CTNNA2: variants seen among roughly 807,000 people sequenced by gnomAD.
CTNNA2 encodes catenin alpha 2.
In CTNNA2, 42 loss-of-function variants were observed where a neutral mutation model predicts 101.0. The observed-to-expected ratio is 0.42, with a 90% CI of 0.32 to 0.54. CTNNA2 has a LOEUF of 0.54. CTNNA2 is among the 20% of genes least tolerant of loss of function. The probability of loss-of-function intolerance (pLI) is 0.14; values close to 1 mark genes in which losing one functional copy is unlikely to be tolerated. For missense variants in CTNNA2, 871 were observed against 1,223.1 expected (o/e 0.71, Z 4.29); for synonymous variants, 450 against 456.4 (o/e 0.99, Z 0.18).
chr2:79,548,814 C>T (rs936778979), intron 1 of CTNNA2, among the ~76,000 whole-genome samples: 2 of 152,142 alleles, frequency 1.3e-5, no homozygotes, highest in East Asian at 3.9e-4. Flanking sequence ...GCCTGGCCTG[C>T]CCCACAGTGC....
At chr2:79,892,504 C>T (rs545480542) in intron 6 of CTNNA2, among the ~76,000 whole-genome samples, 8 of 151,930 alleles carry the variant, frequency 5.3e-5, no homozygotes, top group African/African-American at 1.9e-4. Flanking sequence ...ATTTTATGAA[C>T]CTTTACTTAA....
chr2:79,733,265 T>C (rs373454065), intron 2 of CTNNA2, among the ~76,000 whole-genome samples: 2 of 152,244 alleles, frequency 1.3e-5, no homozygotes, highest in South Asian at 4.1e-4. Flanking sequence ...TGGGATGAGA[T>C]TCACTGTCAG....
intron 3 of CTNNA2, among the ~76,000 whole-genome samples, chr2:79,786,616 A>G (rs191355934): frequency 3.9e-5 from 6 of 152,236 alleles, no homozygotes; most frequent in Middle Eastern, 3.4e-3. Flanking sequence ...GTTAGAATAC[A>G]CTAAGAAATT....
intron 3 of CTNNA2, among the ~76,000 whole-genome samples, chr2:79,319,374 G>A (rs1427905571): frequency 1.3e-5 from 2 of 152,108 alleles, no homozygotes; most frequent in Non-Finnish European, 2.9e-5. Context: ...CTGATTGCAA[G>A]GGAGCTAGAA....
chr2:80,243,590 C>T (rs919187839), intron 7 of CTNNA2, among the ~76,000 whole-genome samples: 14 of 152,092 alleles, frequency 9.2e-5, no homozygotes, highest in African/African-American at 3.4e-4. Flanking sequence ...TACATTGCAT[C>T]GTGTATCGAT....
At chr2:80,095,969 G>T (rs1700118959) in intron 7 of CTNNA2, among the ~76,000 whole-genome samples, 1 of 151,878 alleles carries the variant, frequency 6.6e-6, no homozygotes, top group Admixed American at 6.6e-5. Flanking sequence ...TGGATACATT[G>T]ATTTTTTGAA....
intron 7 of CTNNA2, among the ~76,000 whole-genome samples, chr2:80,017,777 C>T (rs910252769): frequency 3.9e-5 from 6 of 152,058 alleles, no homozygotes; most frequent in African/African-American, 7.2e-5. Context: ...TAAGAAATAG[C>T]GCTTCTGGTT....
At chr2:79,217,887 T>C (rs1674287069) in intron 2 of CTNNA2, among the ~76,000 whole-genome samples, 1 of 152,232 alleles carries the variant, frequency 6.6e-6, no homozygotes, top group South Asian at 2.1e-4. Context: ...CAAACATTGT[T>C]GTTTACTTCT....
chr2:80,439,739 G>A (rs1682387565), intron 9 of CTNNA2, among the ~76,000 whole-genome samples: 1 of 152,086 alleles, frequency 6.6e-6, no homozygotes, highest in Admixed American at 6.6e-5. Context: ...GTATTGTATG[G>A]TTTTATATTA....
intron 3 of CTNNA2, among the ~76,000 whole-genome samples, chr2:79,841,142 G>A (rs1432630410): frequency 6.6e-6 from 1 of 152,136 alleles, no homozygotes; most frequent in African/African-American, 2.4e-5. Context: ...TGTTGCTCAG[G>A]CTGGAGTGCA....
chr2:80,008,339 C>G (rs946507791), intron 7 of CTNNA2, among the ~76,000 whole-genome samples: 6 of 152,148 alleles, frequency 3.9e-5, no homozygotes, highest in Non-Finnish European at 7.4e-5. Flanking sequence ...AGAACTGAAC[C>G]CCTGTGGTGA....
intron 7 of CTNNA2, among the ~76,000 whole-genome samples, chr2:80,312,205 C>G (rs943357472): frequency 6.6e-6 from 1 of 152,190 alleles, no homozygotes; most frequent in African/African-American, 2.4e-5. Context: ...CAGAGCACAC[C>G]TGGACAGAGG....
intron 7 of CTNNA2, among the ~76,000 whole-genome samples, chr2:80,344,725 A>T (rs987439445): frequency 2.6e-5 from 4 of 152,062 alleles, no homozygotes; most frequent in Admixed American, 1.3e-4. Context: ...AGCTCAAGTG[A>T]TTCTCCCTTC....
chr2:79,673,705 AGT>A (rs925172632), intron 2 of CTNNA2, among the ~76,000 whole-genome samples: 8 of 151,894 alleles, frequency 5.3e-5, no homozygotes, highest in Admixed American at 4.6e-4. Flanking sequence ...AGAGAAAGAG[AGT>A]GTGTGTGTAT....
At chr2:79,570,706 C>T (rs1293142403) in intron 1 of CTNNA2, among the ~76,000 whole-genome samples, 1 of 151,852 alleles carries the variant, frequency 6.6e-6, no homozygotes, top group Non-Finnish European at 1.5e-5. Context: ...GAGGATAGCC[C>T]ACTATGTGTT....
At chr2:79,287,108 A>G (rs559929581) in intron 2 of CTNNA2, among the ~76,000 whole-genome samples, 1 of 152,080 alleles carries the variant, frequency 6.6e-6, no homozygotes, top group Admixed American at 6.5e-5. Context: ...CAGCTCCATC[A>G]GCTCCTTTAA....
chr2:80,261,592 G>A (rs1672613270), intron 7 of CTNNA2, among the ~76,000 whole-genome samples: 1 of 152,120 alleles, frequency 6.6e-6, no homozygotes, highest in South Asian at 2.1e-4. Context: ...GGTCCACGTG[G>A]TTGGGGACTT....
chr2:80,141,467 A>G (rs1039803182), intron 7 of CTNNA2, among the ~76,000 whole-genome samples: 4 of 152,086 alleles, frequency 2.6e-5, no homozygotes, highest in Non-Finnish European at 5.9e-5. Context: ...GAGAAACATT[A>G]AAGGGAGAAA....
intron 7 of CTNNA2, among the ~76,000 whole-genome samples, chr2:80,202,646 A>G (rs559424440): frequency 9.9e-5 from 15 of 152,250 alleles, no homozygotes; most frequent in South Asian, 8.3e-4. Context: ...TAAAAATAGT[A>G]TATTAATTAA....
Sources: allele counts gnomAD v4.1 joint callset (sites outside exome capture counted in the v4.1 genomes callset), GRCh38; gene constraint gnomAD v4.1.1; transcripts MANE v1.5; gene names NCBI Gene and HGNC (gene_info 2026-07-23, HGNC 2026-07-21).